Variants in PHF12 observed in about 807,000 individuals in gnomAD.
PHF12 encodes PHD finger protein 12, also known as PHD factor 1.
PHF12 carries 6 observed loss-of-function variants against 99.8 expected under a neutral mutation model. The ratio of observed to expected loss-of-function variants is 0.06; its 90% confidence interval spans 0.03 to 0.12. PHF12 has a LOEUF of 0.12. Among genes scored for constraint, PHF12 ranks in the 10% least tolerant of loss-of-function variants. The pLI is 1.00. For missense variants in PHF12, 954 were observed against 1,300.1 expected (o/e 0.73, Z 4.09); for synonymous variants, 480 against 514.9 (o/e 0.93, Z 0.92).
At chr17:28,928,784 A>G (rs1159613506) in intron 2 of PHF12, among the ~76,000 whole-genome samples, 2 of 151,830 alleles carry the variant, frequency 1.3e-5, no homozygotes, top group Non-Finnish European at 2.9e-5. Flanking sequence ...CTCAAAACAA[A>G]CAAACAAACA....
chr17:28,910,899 T>G lies in PHF12; in HGVS notation c.2215+213A>C, dbSNP rs770603588. 4 of 580,776 alleles carry G rather than the reference T, an allele frequency of 6.9e-6. No individual in the cohort carries two copies. The African/African-American group carries it at 7.6e-5, about 11-fold the overall frequency. The allele number at this position is 580,776 out of a possible 1,614,324, so 36.0% of individuals were successfully genotyped here. On this transcript the variant is annotated intron_variant, in intron 10 of 14. Coordinates refer to ENST00000332830, the MANE Select transcript of PHF12 (RefSeq NM_001033561.2). ...TCTGTCCTCCCTTCATCTTTGATTA[T>G]GTGTATATGCACATGTAGAAGGCAG...
chr17:28,912,184 A>C (rs529795743), intron 9 of PHF12: 1 of 1,204,558 alleles, frequency 8.3e-7, no homozygotes, highest in East Asian at 3.8e-5. Flanking sequence ...GCAGAGGCCT[A>C]GGCCTGGAAG....
At chr17:28,918,670 G>T (rs770396194) in intron 6 of PHF12, among the ~76,000 whole-genome samples, 1 of 152,188 alleles carries the variant, frequency 6.6e-6, no homozygotes, top group African/African-American at 2.4e-5. Context: ...TTTGGAGATA[G>T]CAAGTGACAG....
Position 28,906,139 on chromosome 17 carries a change from G to A in PHF12, c.*44C>T. The A allele has an allele frequency of 2.0e-6, 3 of 1,538,380 alleles. No homozygotes were observed. In the South Asian group the frequency reaches 3.7e-5, roughly 19 times the overall value. On this transcript the variant is annotated 3_prime_UTR_variant, in exon 15 of 15. Transcript: ENST00000332830. The surrounding 1 kb of genome is among the most constrained non-coding windows in gnomAD (Gnocchi z 4.2). ...TTGTGTACATTTTTGCATTGCAGGA[G>A]TCTTGGGTGGGTGTACAGGCCAGTG...
rs1444988333 is a variant in PHF12 at position 28,950,577 on chromosome 17, G to A, written c.66+318C>T. The A allele has an allele frequency of 2.1e-5, 11 of 515,720 alleles. No individual in the cohort carries two copies. Among genetic ancestry groups the A allele is most frequent in the Non-Finnish European group, 3.1e-5 (9 of 292,912 alleles). 31.9% of individuals were successfully genotyped at this position (515,720 alleles called of 1,614,324 possible). A position where few individuals can be genotyped will look rare whatever the true frequency, so the allele number is the denominator to read the frequency against. ...CCCGCTCGGGAGAGGCCCAAAGCCC[G>A]GTACCCGGACGTGCTGGGGGAAGCA... On this transcript the variant is annotated intron_variant, in intron 1 of 14. Coordinates refer to ENST00000332830, the MANE Select transcript of PHF12 (RefSeq NM_001033561.2). This position sits in a 1 kb window ranked among gnomAD's most constrained non-coding sequence, Gnocchi z 5.7.
At position 28,905,991 on chromosome 17, in the gene PHF12, GC is replaced by G. The variant is rs1049545469; in HGVS notation, c.*191del. 21 of 588,170 alleles carry G rather than the reference GC, an allele frequency of 3.6e-5. No homozygotes were observed. In the African/African-American group the frequency reaches 3.8e-4, roughly 11 times the overall value. The allele number at this position is 588,170 out of a possible 1,614,324, so 36.4% of individuals were successfully genotyped here. ...GTTGAGTACAAATATATGTGCAAAT[GC>G]CCCCTAGAACTTGAGAAAAGAAAAA... On this transcript the variant is annotated 3_prime_UTR_variant, in exon 15 of 15. Coordinates refer to ENST00000332830, the MANE Select transcript of PHF12 (RefSeq NM_001033561.2).
At position 28,949,975 on chromosome 17, in the gene PHF12, C is replaced by T. The variant is rs2040780266; in HGVS notation, c.248+90G>A. ...AAAGTCAGCTAGCGGCTGCAAGCGC[C>T]CGTTATTTCGGCAGTCAGGGGCAGG... is the stretch of plus-strand genomic sequence containing the variant. On this transcript the variant is annotated intron_variant, in intron 2 of 14. Transcript: ENST00000332830. This position sits in a 1 kb window ranked among gnomAD's most constrained non-coding sequence, Gnocchi z 4.6. The T allele has an allele frequency of 7.2e-7, 1 of 1,397,662 alleles. No homozygotes were observed. Among genetic ancestry groups the T allele is most frequent in the Non-Finnish European group, 9.6e-7 (1 of 1,046,288 alleles). The allele number at this position is 1,397,662 out of a possible 1,614,324, so 86.6% of individuals were successfully genotyped here.
rs116411634 is a variant in PHF12, at chr17:28,949,020, G to T, written c.248+1045C>A. 6.9e-4 allele frequency among the ~76,000 whole-genome samples: 105 copies of T among 152,270 alleles called. No homozygotes were observed. The highest frequency in any genetic ancestry group is 2.4e-3 in the African/African-American group (99 of 41,554). On this transcript the variant is annotated intron_variant, in intron 2 of 14. Coordinates refer to ENST00000332830, the MANE Select transcript of PHF12 (RefSeq NM_001033561.2). This position sits in a 1 kb window ranked among gnomAD's most constrained non-coding sequence, Gnocchi z 4.6. ...TTGCCGGATTGTCCTGGGCTGAGCCGCTGAGGAGGATCACGCAGCGGGCGA... is the reference window on the plus strand; with the variant it reads ...TTGCCGGATTGTCCTGGGCTGAGCCTCTGAGGAGGATCACGCAGCGGGCGA...
chr17:28,917,572 AC>A, intron 6 of PHF12, 123 bp from the exon 7 acceptor site: 1 of 1,055,574 alleles, frequency 9.5e-7, no homozygotes, highest in Non-Finnish European at 1.3e-6. Context: ...TCAATTAGGG[AC>A]CAGGATGTCG....
chr17:28,933,249 C>T (rs554255273), intron 2 of PHF12, among the ~76,000 whole-genome samples: 1 of 152,206 alleles, frequency 6.6e-6, no homozygotes, highest in Middle Eastern at 3.2e-3. Flanking sequence ...TTTGTAAAGA[C>T]ATCAATGTGT....
At chr17:28,944,405 TA>T in intron 2 of PHF12, 2 of 794,238 alleles carry the variant, frequency 2.5e-6, no homozygotes, top group Non-Finnish European at 3.0e-6. Flanking sequence ...TTTTCCACTT[TA>T]AATATTTCTG....
intron 2 of PHF12, among the ~76,000 whole-genome samples, chr17:28,943,022 A>G (rs2040649293): frequency 6.6e-6 from 1 of 152,188 alleles, no homozygotes. Context: ...AGAGATCTCT[A>G]AGTAAATACA....
rs2040015172 is a variant in PHF12 at position 28,913,971 on chromosome 17, C to A, written c.1201G>T (p.Asp401Tyr). ...ATCCCATTGCAGATCAGCTCCCCGT[C>A]CCGAATGGCCGCGGGTGCAATGAGA... ...PPLIAPAAIR[D>Y]GELICNGIPE... The change falls in exon 8 of 15, where the codon GAC becomes TAC. Residue 401 changes from aspartate to tyrosine, a missense_variant. Asp to Tyr is a radical substitution (Grantham distance 160). Around this residue, in one of 8 missense-constraint regions of PHF12, gnomAD observed 392 missense variants for 423.1 expected, o/e 0.93. Transcript: ENST00000332830. The A allele has an allele frequency of 1.2e-6, 2 of 1,613,860 alleles. No homozygotes were observed. Among genetic ancestry groups the A allele is most frequent in the Non-Finnish European group, 1.7e-6 (2 of 1,179,850 alleles).
chr17:28,925,916 T>C (rs951845166), intron 3 of PHF12: 4 of 152,232 alleles, frequency 2.6e-5, no homozygotes, highest in African/African-American at 9.7e-5. Context: ...AGGTCCAGCT[T>C]TTTTGAGTGG....
chr17:28,917,870 AG>A (rs1283663486), intron 6 of PHF12, among the ~76,000 whole-genome samples: 1 of 152,176 alleles, frequency 6.6e-6, no homozygotes. Flanking sequence ...TCTCTCTAAT[AG>A]GAAAAGCAGG....
intron 2 of PHF12, 110 bp from the exon 3 acceptor site, chr17:28,927,173 G>T: frequency 1.1e-6 from 1 of 939,290 alleles, no homozygotes; most frequent in Non-Finnish European, 1.6e-6. Flanking sequence ...AGTCCTGCAG[G>T]ACTGCTAGGG....
rs1369299305 is a variant in PHF12 at position 28,907,675 on chromosome 17, G to T, written c.2459-3C>A. On this transcript the variant is annotated splice_polypyrimidine_tract_variant and splice_region_variant and intron_variant, in intron 12 of 14. Coordinates refer to ENST00000332830, the MANE Select transcript of PHF12 (RefSeq NM_001033561.2). ...AAGGCACACATCCATGTCAGCTCCT[G>T]CAAGGTGGCAGGAGTAGAGGAAAAG... 1 of 1,613,482 alleles carries T rather than the reference G, an allele frequency of 6.2e-7. No individual in the cohort carries two copies. Among genetic ancestry groups the T allele is most frequent in the South Asian group, 1.1e-5 (1 of 91,040 alleles).
intron 2 of PHF12, among the ~76,000 whole-genome samples, chr17:28,934,890 T>G (rs2040480074): frequency 6.6e-6 from 1 of 152,242 alleles, no homozygotes; most frequent in Non-Finnish European, 1.5e-5. Flanking sequence ...CGTAAGCCAC[T>G]GTGTCCAGCA....
At chr17:28,929,107 A>T (rs1167392707) in intron 2 of PHF12, among the ~76,000 whole-genome samples, 5 of 112,974 alleles carry the variant, frequency 4.4e-5, no homozygotes, top group African/African-American at 6.8e-5. Flanking sequence ...AAAACAAAAC[A>T]ACAACAACAA....
Sources: allele counts gnomAD v4.1 joint callset (sites outside exome capture counted in the v4.1 genomes callset), GRCh38; gene constraint gnomAD v4.1.1; regional missense constraint gnomAD v4.1.1; non-coding constraint Gnocchi (gnomAD v3.1); transcripts MANE v1.5; gene names NCBI Gene and HGNC (gene_info 2026-07-23, HGNC 2026-07-21).